The following KCNIP4 variants were observed in gnomAD, a reference collection of about 807,000 sequenced individuals.
KCNIP4 encodes potassium voltage-gated channel interacting protein 4, also known as Kv channel-interacting protein 4.
Under a neutral mutation model 34.0 loss-of-function variants are expected in KCNIP4, and 12 were observed. The observed-to-expected ratio is 0.35, with a 90% CI of 0.23 to 0.57. The LOEUF (loss-of-function observed/expected upper bound fraction) is 0.57, where lower values mean the gene tolerates loss of function less well. KCNIP4 is among the 20% of genes least tolerant of loss of function. The pLI, the probability that KCNIP4 is intolerant of heterozygous loss-of-function variation, is 0.83. For missense variants in KCNIP4, 238 were observed against 311.7 expected, an observed-to-expected ratio of 0.76 and a Z score of 1.78; for synonymous variants, 124 against 102.2, an observed-to-expected ratio of 1.21 and a Z score of -1.29.
At chr4:20,873,156 C>T (rs570674528) in intron 2 of KCNIP4, among the ~76,000 whole-genome samples, 13 of 152,296 alleles carry the variant, frequency 8.5e-5, no homozygotes, top group Admixed American at 3.9e-4. Context: ...TTTGTCATCT[C>T]TTGTAGGCAG....
chr4:20,910,341 G>A (rs1406003742), intron 1 of KCNIP4, among the ~76,000 whole-genome samples: 2 of 151,618 alleles, frequency 1.3e-5, no homozygotes, highest in East Asian at 1.9e-4. Flanking sequence ...TAATAATAAT[G>A]TACACCTTTG....
intron 3 of KCNIP4, among the ~76,000 whole-genome samples, chr4:20,841,748 T>TAA (rs33945225): frequency 1.9e-4 from 28 of 149,798 alleles, no homozygotes; most frequent in South Asian, 4.2e-4. Flanking sequence ...AGGGCCATCT[T>TAA]AAAAAAAAAA....
At chr4:20,829,074 A>G (rs1718107521) in intron 3 of KCNIP4, among the ~76,000 whole-genome samples, 1 of 152,252 alleles carries the variant, frequency 6.6e-6, no homozygotes, top group South Asian at 2.1e-4. Flanking sequence ...ATAAACCGGC[A>G]GAGGTCCATC....
At chr4:20,827,785 A>C (rs1417641561) in intron 3 of KCNIP4, among the ~76,000 whole-genome samples, 1 of 146,712 alleles carries the variant, frequency 6.8e-6, no homozygotes, top group East Asian at 2.0e-4. Context: ...TAGAATTCAC[A>C]AAACAAAATT....
intron 1 of KCNIP4, among the ~76,000 whole-genome samples, chr4:21,867,738 T>C (rs1338824691): frequency 6.6e-6 from 1 of 152,144 alleles, no homozygotes; most frequent in Non-Finnish European, 1.5e-5. Context: ...ACAGAAACAA[T>C]AGTTACAGGA....
chr4:20,776,602 A>G (rs1192821422), intron 3 of KCNIP4, among the ~76,000 whole-genome samples: 3 of 152,198 alleles, frequency 2.0e-5, no homozygotes, highest in African/African-American at 7.2e-5. Flanking sequence ...GTTAGACTTT[A>G]ATTCCAACAA....
At chr4:20,946,063 C>A (rs1317492428) in intron 1 of KCNIP4, among the ~76,000 whole-genome samples, 1 of 152,072 alleles carries the variant, frequency 6.6e-6, no homozygotes, top group East Asian at 1.9e-4. Flanking sequence ...ATATGTCAGA[C>A]ACTGCTCTAA....
intron 1 of KCNIP4, among the ~76,000 whole-genome samples, chr4:20,949,984 T>C (rs1439527079): frequency 6.6e-6 from 1 of 150,514 alleles, no homozygotes; most frequent in African/African-American, 2.4e-5. Context: ...ATTGTGCACA[T>C]GTACCCTAAA....
intron 1 of KCNIP4, among the ~76,000 whole-genome samples, chr4:20,999,654 T>C (rs929387388): frequency 6.6e-6 from 1 of 151,962 alleles, no homozygotes; most frequent in African/African-American, 2.4e-5. Flanking sequence ...TTTAGGAATG[T>C]GGCAAACTGA....
intron 1 of KCNIP4, among the ~76,000 whole-genome samples, chr4:21,265,126 C>CAAT (rs1445149410): frequency 6.6e-6 from 1 of 151,382 alleles, no homozygotes; most frequent in African/African-American, 2.4e-5. Context: ...ATAATAACAA[C>CAAT]AATAATAATA....
At chr4:20,844,272 C>G (rs1720101746) in intron 3 of KCNIP4, among the ~76,000 whole-genome samples, 1 of 152,154 alleles carries the variant, frequency 6.6e-6, no homozygotes, top group Non-Finnish European at 1.5e-5. Context: ...TTCAGAAAGC[C>G]CTTCTGGTTG....
intron 1 of KCNIP4, among the ~76,000 whole-genome samples, chr4:21,344,530 C>T (rs1717098489): frequency 6.6e-6 from 1 of 152,012 alleles, no homozygotes; most frequent in African/African-American, 2.4e-5. Context: ...AAAGGAGCAG[C>T]CACCAATCCA....
At chr4:20,859,048 A>G (rs576254453) in intron 2 of KCNIP4, among the ~76,000 whole-genome samples, 1 of 152,320 alleles carries the variant, frequency 6.6e-6, no homozygotes, top group Admixed American at 6.5e-5. Context: ...ATTTTAAATC[A>G]CAAACTAGCT....
At chr4:21,877,150 C>T (rs1297976406) in intron 1 of KCNIP4, among the ~76,000 whole-genome samples, 1 of 152,070 alleles carries the variant, frequency 6.6e-6, no homozygotes, top group African/African-American at 2.4e-5. Flanking sequence ...GTAAAGAGTT[C>T]AAGAACAGCC....
At chr4:21,602,578 T>A (rs1229200825) in intron 1 of KCNIP4, among the ~76,000 whole-genome samples, 1 of 152,188 alleles carries the variant, frequency 6.6e-6, no homozygotes, top group African/African-American at 2.4e-5. Context: ...ACACATAAGG[T>A]ATGAATAATC....
intron 1 of KCNIP4, among the ~76,000 whole-genome samples, chr4:21,097,446 A>C (rs1747564017): frequency 6.6e-6 from 1 of 152,186 alleles, no homozygotes; most frequent in Admixed American, 6.6e-5. Context: ...GCAACCCTGC[A>C]TGGAGCAAGT....
intron 1 of KCNIP4, among the ~76,000 whole-genome samples, chr4:21,147,962 A>AAAAAAAG (rs1560764403): frequency 5.1e-4 from 63 of 123,870 alleles, no homozygotes; most frequent in Middle Eastern, 4.1e-3. Context: ...AAAAAAAAAG[A>AAAAAAAG]AAAAAAGTTC....
chr4:21,777,328 TTA>T (rs1410735969), intron 1 of KCNIP4, among the ~76,000 whole-genome samples: 2 of 152,176 alleles, frequency 1.3e-5, no homozygotes, highest in Non-Finnish European at 2.9e-5. Flanking sequence ...TACCACAAAT[TTA>T]TATTTCTCAG....
chr4:20,863,409 C>G (rs893553832), intron 2 of KCNIP4, among the ~76,000 whole-genome samples: 1 of 152,078 alleles, frequency 6.6e-6, no homozygotes, highest in Non-Finnish European at 1.5e-5. Flanking sequence ...AAGCCCTGAT[C>G]TTAGGTTTAC....
Sources: gnomAD v4.1 joint callset for allele counts (sites outside exome capture counted in the v4.1 genomes callset) on GRCh38, gnomAD v4.1.1 for gene constraint, MANE v1.5 for transcripts, NCBI Gene and HGNC (gene_info 2026-07-23, HGNC 2026-07-21) for gene names.